SERPINI2: variants seen among roughly 807,000 people sequenced by gnomAD.
SERPINI2 encodes serpin family I member 2, also known as serpin I2.
In SERPINI2, 48 loss-of-function variants were observed where a neutral mutation model predicts 47.3. The observed-to-expected ratio is 1.02, with a 90% confidence interval of 0.81 to 1.29. The LOEUF is 1.29. Ranked by LOEUF, SERPINI2 falls within the 50% of genes most tolerant of loss-of-function variation. SERPINI2 has a pLI of 0.00. For missense variants in SERPINI2, 448 were observed against 456.9 expected (o/e 0.98, Z 0.18); for synonymous variants, 135 against 149.3 (o/e 0.90, Z 0.70).
chr3:167,456,722 C>T (rs1169050052), intron 5 of SERPINI2, among the ~76,000 whole-genome samples: 1 of 152,134 alleles, frequency 6.6e-6, no homozygotes, highest in African/African-American at 2.4e-5. Flanking sequence ...TCCATCTTGT[C>T]TGTAACCTTA....
At chr3:167,448,543 G>C (rs934582212) in intron 7 of SERPINI2, among the ~76,000 whole-genome samples, 11 of 152,046 alleles carry the variant, frequency 7.2e-5, no homozygotes, top group African/African-American at 2.7e-4. Flanking sequence ...TTTGTTTTGA[G>C]ATGGAGTCTC....
intron 5 of SERPINI2, among the ~76,000 whole-genome samples, chr3:167,460,272 T>G (rs1289795240): frequency 6.6e-6 from 1 of 152,198 alleles, no homozygotes; most frequent in African/African-American, 2.4e-5. Context: ...CATTCAGTAA[T>G]AAAATATAAA....
intron 8 of SERPINI2, among the ~76,000 whole-genome samples, chr3:167,445,290 C>T (rs1367468311): frequency 1.3e-5 from 2 of 152,126 alleles, no homozygotes; most frequent in Admixed American, 1.3e-4. Context: ...TCTCTTCTCC[C>T]TGTAAATGAC....
exon 4 of SERPINI2, chr3:167,465,516 T>G: frequency 6.2e-7 from 1 of 1,613,856 alleles, no homozygotes; most frequent in Non-Finnish European, 8.5e-7. Context: ...TCATTGGAAT[T>G]TTGACAGTTG....
chr3:167,467,588 G>C (rs186643666), intron 2 of SERPINI2, among the ~76,000 whole-genome samples: 1 of 152,008 alleles, frequency 6.6e-6, no homozygotes, highest in Non-Finnish European at 1.5e-5. Context: ...CACATTTAGC[G>C]CATTTTTAGT....
chr3:167,450,723 C>T (rs995815307), intron 6 of SERPINI2, among the ~76,000 whole-genome samples: 2 of 152,036 alleles, frequency 1.3e-5, no homozygotes, highest in African/African-American at 4.8e-5. Context: ...TGGAAGAAGA[C>T]AAATAAACAC....
At chr3:167,442,282 C>G in intron 8 of SERPINI2, 97 bp from the exon 9 acceptor site, 1 of 836,526 alleles carries the variant, frequency 1.2e-6, no homozygotes, top group Non-Finnish European at 1.8e-6. Context: ...GTCATTTGGT[C>G]TTTTTTCTCT....
intron 5 of SERPINI2, among the ~76,000 whole-genome samples, chr3:167,455,443 C>T (rs1042911668): frequency 2.6e-5 from 4 of 151,972 alleles, no homozygotes; most frequent in African/African-American, 9.7e-5. Context: ...TCCCCTTATC[C>T]CCAGAGTTCT....
At chr3:167,475,283 AC>A (rs1166775689), upstream of SERPINI2, among the ~76,000 whole-genome samples, 3 of 151,810 alleles carry the variant, frequency 2.0e-5, no homozygotes, top group Admixed American at 6.6e-5. Flanking sequence ...ACACTGCAAT[AC>A]ATAAATATTA....
intron 1 of SERPINI2, among the ~76,000 whole-genome samples, chr3:167,473,333 A>G (rs916576613): frequency 2.0e-5 from 3 of 151,708 alleles, no homozygotes; most frequent in Non-Finnish European, 4.4e-5. Context: ...GAGTGCAACA[A>G]TAGTTAAAAA....
intron 2 of SERPINI2, 124 bp from the exon 3 acceptor site, chr3:167,467,409 A>G: frequency 1.6e-6 from 1 of 615,900 alleles, no homozygotes; most frequent in South Asian, 2.1e-5. Context: ...ATAACTAACA[A>G]TCCCTTCAAA....
intron 2 of SERPINI2, among the ~76,000 whole-genome samples, chr3:167,467,831 G>A (rs570359740): frequency 6.6e-6 from 1 of 152,244 alleles, no homozygotes; most frequent in South Asian, 2.1e-4. Context: ...GTAAGAATCA[G>A]AATTGCCTAT....
chr3:167,449,262 G>A, intron 7 of SERPINI2, 54 bp downstream of exon 7: 2 of 1,190,420 alleles, frequency 1.7e-6, no homozygotes, highest in Non-Finnish European at 2.5e-6. Context: ...GCACCATAAT[G>A]TTCATCCTCT....
At chr3:167,455,505 A>T (rs891173442) in intron 5 of SERPINI2, among the ~76,000 whole-genome samples, 13 of 151,656 alleles carry the variant, frequency 8.6e-5, no homozygotes, top group Non-Finnish European at 1.2e-4. Context: ...TTGTGTTATC[A>T]TCTGAAATCC....
At chr3:167,442,279 G>T in intron 8 of SERPINI2, 94 bp from the exon 9 acceptor site, 2 of 885,764 alleles carry the variant, frequency 2.3e-6, no homozygotes, top group African/African-American at 1.7e-5. Flanking sequence ...CATGTCATTT[G>T]GTCTTTTTTC....
chr3:167,466,526 T>G (rs1750137249), intron 3 of SERPINI2, among the ~76,000 whole-genome samples: 1 of 152,244 alleles, frequency 6.6e-6, no homozygotes, highest in African/African-American at 2.4e-5. Flanking sequence ...AACTCAGATT[T>G]ATATGAATTT....
In SERPINI2 at chr3:167,473,739, C is replaced by T. The variant is rs758167770; in HGVS notation, c.-11+264G>A. On this transcript the variant is annotated intron_variant, in intron 1 of 8. Coordinates refer to ENST00000264677, the Ensembl canonical transcript of SERPINI2. The stretch of plus-strand genomic sequence containing the variant: ...ATTGGTTTTAAAAACTCACTTACCT[C>T]ATCAGGTTTTGGATCATATCTTATC... 2.7e-6 allele frequency: 4 copies of T among 1,475,130 alleles called. No homozygotes were observed. The South Asian group carries it at 5.4e-5, about 20-fold the overall frequency. 91.4% of individuals were successfully genotyped at this position (1,475,130 alleles called of 1,614,324 possible).
intron 3 of SERPINI2, 31 bp from the exon 4 acceptor site, chr3:167,465,704 G>A (rs1750114401): frequency 1.3e-6 from 2 of 1,566,680 alleles, no homozygotes; most frequent in African/African-American, 2.7e-5. Flanking sequence ...GAGGTAAGAA[G>A]AAATGTGCAA....
chr3:167,465,143 A>T, intron 5 of SERPINI2, 63 bp downstream of exon 5: 1 of 1,373,462 alleles, frequency 7.3e-7, no homozygotes, highest in Non-Finnish European at 1.0e-6. Flanking sequence ...CTTTCAGCTG[A>T]CTGCTCAAAT....
Sources: gnomAD v4.1 joint callset for allele counts (sites outside exome capture counted in the v4.1 genomes callset) on GRCh38, gnomAD v4.1.1 for gene constraint, MANE v1.5 for transcripts, NCBI Gene and HGNC (gene_info 2026-07-23, HGNC 2026-07-21) for gene names.